The following DENND5B variants were observed in gnomAD, a reference collection of about 807,000 sequenced individuals.
DENND5B encodes the protein DENN domain containing 5B, also known as DENN domain-containing protein 5B.
DENND5B carries 34 observed loss-of-function variants against 140.6 expected under a neutral mutation model. The ratio of observed to expected loss-of-function variants is 0.24; its 90% CI spans 0.18 to 0.32. The LOEUF (loss-of-function observed/expected upper bound fraction) is 0.32. DENND5B is among the 10% of genes least tolerant of loss of function. The probability of loss-of-function intolerance (pLI) is 1.00; values close to 1 mark genes in which losing one functional copy is unlikely to be tolerated. For synonymous variants in DENND5B, 551 were observed against 562.1 expected (o/e 0.98, Z 0.28); for missense variants, 1,142 against 1,560.2 (o/e 0.73, Z 4.52).
At chr12:31,491,069 A>C (rs1300790480) in intron 2 of DENND5B, among the ~76,000 whole-genome samples, 1 of 152,216 alleles carries the variant, frequency 6.6e-6, no homozygotes, top group African/African-American at 2.4e-5. Context: ...GATAAGATCT[A>C]TCAACTAGAA....
chr12:31,548,817 G>A (rs1173706235), intron 1 of DENND5B, among the ~76,000 whole-genome samples: 2 of 152,158 alleles, frequency 1.3e-5, no homozygotes, highest in South Asian at 2.1e-4. Context: ...CCCATATGCA[G>A]AGAATATATT....
At chr12:31,421,636 G>A (rs1943028393) in intron 11 of DENND5B, among the ~76,000 whole-genome samples, 1 of 151,974 alleles carries the variant, frequency 6.6e-6, no homozygotes, top group Non-Finnish European at 1.5e-5. Flanking sequence ...TGCAACCTCT[G>A]CCTCCCAGGT....
At chr12:31,551,180 G>GT (rs1381258094) in intron 1 of DENND5B, among the ~76,000 whole-genome samples, 1 of 152,062 alleles carries the variant, frequency 6.6e-6, no homozygotes, top group Non-Finnish European at 1.5e-5. Flanking sequence ...TTCTTCTAGG[G>GT]TTTTTATGGT....
Position 31,403,138 on chromosome 12 carries a change from T to C in DENND5B, c.2804-495A>G, listed in dbSNP as rs147638168. Among the ~76,000 whole-genome samples the C allele has an allele frequency of 3.5e-4, 53 of 152,332 alleles. No individual in the cohort carries two copies. In the East Asian group the frequency reaches 7.5e-3, roughly 22 times the overall value. On this transcript the variant is annotated intron_variant, in intron 14 of 20. Transcript: ENST00000389082. Reference sequence around the variant, plus strand: ...CTTTAAAGCACTGCATTTCAGAACTTTCCTGTCCCAAGTTTACAGAACAAT... The same window carrying C: ...CTTTAAAGCACTGCATTTCAGAACTCTCCTGTCCCAAGTTTACAGAACAAT...
chr12:31,579,660 T>C (rs111712871), intron 1 of DENND5B, among the ~76,000 whole-genome samples: 1 of 151,330 alleles, frequency 6.6e-6, no homozygotes, highest in Non-Finnish European at 1.5e-5. Context: ...ATTTATTTAT[T>C]TTTTTGAGAC....
At chr12:31,587,155 T>G (rs1950423271) in intron 1 of DENND5B, among the ~76,000 whole-genome samples, 1 of 152,166 alleles carries the variant, frequency 6.6e-6, no homozygotes, top group Admixed American at 6.5e-5. Context: ...ACTCAACCCT[T>G]AAGTAATTTC....
intron 19 of DENND5B, among the ~76,000 whole-genome samples, chr12:31,390,274 T>C (rs1941058461): frequency 6.6e-6 from 1 of 152,226 alleles, no homozygotes; most frequent in Non-Finnish European, 1.5e-5. Context: ...TAGCCACAAG[T>C]GGCTCCTGAG....
chr12:31,524,038 GCCC>G (rs918019079), intron 1 of DENND5B, among the ~76,000 whole-genome samples: 40 of 141,014 alleles, frequency 2.8e-4, no homozygotes, highest in African/African-American at 9.9e-4. Context: ...AAACTACTGA[GCCC>G]TTTTTTTTTT....
chr12:31,514,350 A>G (rs1262615338), intron 1 of DENND5B, among the ~76,000 whole-genome samples: 1 of 152,208 alleles, frequency 6.6e-6, no homozygotes, highest in African/African-American at 2.4e-5. Flanking sequence ...ACCTCTTAAT[A>G]GTGATTTTCT....
rs1270971080 is a variant in DENND5B at position 31,433,228 on chromosome 12, G to C, written c.2033C>G (p.Ala678Gly). 6.2e-7 allele frequency: 1 copy of C among 1,610,738 alleles called. No individual in the cohort carries two copies. The highest frequency in any genetic ancestry group is 2.2e-5 in the East Asian group (1 of 44,768). ...GCGTTCTTTCCTGCGCTGTGCAGTG[G>C]CACTCCGACTTACCCAGCGACTGAA... ...TSNNRWVSRS[A>G]TAQRRKERLR... The change falls in exon 8 of 21, where the codon GCC becomes GGC. Residue 678 changes from alanine (A) to glycine (G), a missense_variant. Ala to Gly is a moderately conservative substitution (Grantham distance 60). This residue lies in a region of DENND5B where 708 missense variants were observed against 905.5 expected (regional missense o/e 0.78). Coordinates refer to ENST00000389082, the MANE Select transcript of DENND5B (RefSeq NM_144973.4).
chr12:31,401,138 G>A (rs569707540), intron 15 of DENND5B, among the ~76,000 whole-genome samples: 8 of 152,142 alleles, frequency 5.3e-5, no homozygotes, highest in South Asian at 4.1e-4. Context: ...CCACTGGCCC[G>A]GCCAGAGCTA....
intron 1 of DENND5B, among the ~76,000 whole-genome samples, chr12:31,555,254 G>T (rs1370318656): frequency 6.6e-6 from 1 of 152,118 alleles, no homozygotes; most frequent in African/African-American, 2.4e-5. Flanking sequence ...CTTTCTGTTT[G>T]CTAGTTTTCC....
At chr12:31,485,496 G>C (rs1381392103) in intron 2 of DENND5B, among the ~76,000 whole-genome samples, 1 of 152,238 alleles carries the variant, frequency 6.6e-6, no homozygotes, top group Non-Finnish European at 1.5e-5. Context: ...GGATGTGCTT[G>C]AGCCTAGTTA....
At chr12:31,483,234 G>C (rs1946138658) in intron 2 of DENND5B, among the ~76,000 whole-genome samples, 1 of 152,176 alleles carries the variant, frequency 6.6e-6, no homozygotes, top group African/African-American at 2.4e-5. Context: ...GGGCTGCTGA[G>C]AGTGCCTATA....
intron 1 of DENND5B, among the ~76,000 whole-genome samples, chr12:31,548,408 G>GA (rs200674218): frequency 0.015 from 1,180 of 78,256 alleles, 14 homozygotes; most frequent in African/African-American, 0.049. Context: ...AAAAGAAGAA[G>GA]AAAAAAAAAA....
intron 5 of DENND5B, among the ~76,000 whole-genome samples, chr12:31,450,667 T>C (rs1944472532): frequency 6.6e-6 from 1 of 152,154 alleles, no homozygotes; most frequent in African/African-American, 2.4e-5. Flanking sequence ...TATGTACCTT[T>C]ACGAAAATTT....
chr12:31,392,209 T>C lies in DENND5B; in HGVS notation c.3466+58A>G, dbSNP rs143525333. On this transcript the variant is annotated intron_variant, in intron 19 of 20. Coordinates refer to ENST00000389082, the MANE Select transcript of DENND5B (RefSeq NM_144973.4). ...CTTATTCACTCAGATTCCTGGGTCT[T>C]TGAGTTCCTAAGAAAGGCTTCAGTG... The C allele has an allele frequency of 3.1e-6, 5 of 1,594,936 alleles. No homozygotes were observed. The African/African-American group carries it at 4.0e-5, about 13-fold the overall frequency.
At chr12:31,417,274 A>G (rs1942799755) in intron 11 of DENND5B, among the ~76,000 whole-genome samples, 1 of 147,426 alleles carries the variant, frequency 6.8e-6, no homozygotes, top group African/African-American at 2.5e-5. Context: ...AGACAATGGC[A>G]TGAACCCGGG....
chr12:31,546,482 T>C (rs534626443), intron 1 of DENND5B, among the ~76,000 whole-genome samples: 1 of 152,040 alleles, frequency 6.6e-6, no homozygotes, highest in Admixed American at 6.6e-5. Flanking sequence ...AGGTCAGGAG[T>C]TCGAGACCAG....
Sources: allele counts gnomAD v4.1 joint callset (sites outside exome capture counted in the v4.1 genomes callset), GRCh38; gene constraint gnomAD v4.1.1; regional missense constraint gnomAD v4.1.1; transcripts MANE v1.5; gene names NCBI Gene and HGNC (gene_info 2026-07-23, HGNC 2026-07-21).